AFG2A: variants seen among roughly 807,000 people sequenced by gnomAD.
AFG2A encodes the protein AAA ATPase AFG2A.
chr4:123,191,361 C>CTT, the AFG2A span, among the ~76,000 whole-genome samples: 78 of 142,858 alleles, frequency 5.5e-4, no homozygotes, highest in South Asian at 6.0e-3. Context: ...ACTCTGGACT[C>CTT]TTTTTTTTTT....
chr4:123,195,146 T>G, the AFG2A span, among the ~76,000 whole-genome samples: 1 of 152,138 alleles, frequency 6.6e-6, no homozygotes, highest in Non-Finnish European at 1.5e-5. Context: ...AGTTAGTCAA[T>G]TAAAAAACAA....
At chr4:122,975,270 C>T in the AFG2A span, among the ~76,000 whole-genome samples, 1 of 150,112 alleles carries the variant, frequency 6.7e-6, no homozygotes, top group African/African-American at 2.5e-5. Context: ...CCTCACATAG[C>T]AGAAGGGTAA....
the AFG2A span, among the ~76,000 whole-genome samples, chr4:123,131,108 G>C: frequency 1.3e-5 from 2 of 151,964 alleles, no homozygotes; most frequent in African/African-American, 4.8e-5. Flanking sequence ...CCCTTTCAAT[G>C]GGTTGTTTTC....
At chr4:123,086,938 T>C in the AFG2A span, among the ~76,000 whole-genome samples, 1 of 152,190 alleles carries the variant, frequency 6.6e-6, no homozygotes, top group Non-Finnish European at 1.5e-5. Flanking sequence ...ATCACTCTGC[T>C]TACATTACTC....
chr4:122,950,858 G>T, the AFG2A span, among the ~76,000 whole-genome samples: 1 of 152,210 alleles, frequency 6.6e-6, no homozygotes, highest in African/African-American at 2.4e-5. Context: ...GGTATCAGGT[G>T]GCAAGGGCCT....
the AFG2A span, among the ~76,000 whole-genome samples, chr4:123,107,484 T>C: frequency 8.5e-5 from 13 of 152,206 alleles, no homozygotes; most frequent in African/African-American, 2.9e-4. Flanking sequence ...GCATGCTGAT[T>C]GGTCCATGGG....
chr4:123,307,093 C>G, the AFG2A span, among the ~76,000 whole-genome samples: 9 of 152,220 alleles, frequency 5.9e-5, no homozygotes, highest in African/African-American at 2.2e-4. Context: ...TACATCTACT[C>G]AGCAGAGTTC....
At chr4:123,263,942 A>T in the AFG2A span, among the ~76,000 whole-genome samples, 1 of 152,246 alleles carries the variant, frequency 6.6e-6, no homozygotes, top group Non-Finnish European at 1.5e-5. Flanking sequence ...ACAATTACAA[A>T]AATATGGAAC....
the AFG2A span, among the ~76,000 whole-genome samples, chr4:123,289,484 G>C: frequency 6.6e-6 from 1 of 152,178 alleles, no homozygotes; most frequent in Non-Finnish European, 1.5e-5. Flanking sequence ...TATACATGCA[G>C]ATGTCTCTTT....
the AFG2A span, among the ~76,000 whole-genome samples, chr4:123,065,687 C>G: frequency 6.6e-6 from 1 of 152,034 alleles, no homozygotes; most frequent in Non-Finnish European, 1.5e-5. Flanking sequence ...CATTTTGTCA[C>G]TCTAAGATGC....
the AFG2A span, among the ~76,000 whole-genome samples, chr4:122,965,095 G>T: frequency 1.3e-5 from 2 of 152,138 alleles, no homozygotes; most frequent in African/African-American, 4.8e-5. Context: ...TCAACTTTTA[G>T]AATTTAAATA....
chr4:123,118,010 T>C, the AFG2A span, among the ~76,000 whole-genome samples: 2 of 152,028 alleles, frequency 1.3e-5, no homozygotes, highest in Non-Finnish European at 2.9e-5. Context: ...GTTTCACTTA[T>C]AAATGGAAGC....
the AFG2A span, among the ~76,000 whole-genome samples, chr4:122,984,199 A>T: frequency 1.2e-4 from 18 of 150,372 alleles, no homozygotes; most frequent in Admixed American, 1.2e-3. Context: ...ATTCCTAAGT[A>T]TTTTTTTTTG....
chr4:123,003,600 G>A, the AFG2A span, among the ~76,000 whole-genome samples: 1 of 152,190 alleles, frequency 6.6e-6, no homozygotes, highest in Non-Finnish European at 1.5e-5. Context: ...GGTATCAGCA[G>A]CGCTGTCTGC....
the AFG2A span, among the ~76,000 whole-genome samples, chr4:123,114,774 G>A: frequency 2.6e-4 from 39 of 152,380 alleles, no homozygotes; most frequent in Middle Eastern, 3.4e-3. Context: ...AGCATTGACT[G>A]TGCTGCCTTC....
chr4:123,186,233 A>T, the AFG2A span, among the ~76,000 whole-genome samples: 21 of 152,342 alleles, frequency 1.4e-4, no homozygotes, highest in African/African-American at 5.1e-4. Flanking sequence ...TTGGAAATAG[A>T]TCATTTATGT....
chr4:123,219,312 C>T, the AFG2A span, among the ~76,000 whole-genome samples: 1 of 152,216 alleles, frequency 6.6e-6, no homozygotes, highest in East Asian at 1.9e-4. Context: ...GCTTATACCC[C>T]TTCTCCTGCC....
At chr4:122,994,944 A>C in the AFG2A span, among the ~76,000 whole-genome samples, 1 of 152,104 alleles carries the variant, frequency 6.6e-6, no homozygotes, top group Non-Finnish European at 1.5e-5. Context: ...ATTTACTACT[A>C]TATTTTCACC....
the AFG2A span, among the ~76,000 whole-genome samples, chr4:123,009,381 C>T: frequency 1.3e-5 from 2 of 152,218 alleles, no homozygotes; most frequent in Non-Finnish European, 2.9e-5. Context: ...CACCATAAAT[C>T]ACACTGTCAG....
Sources: gnomAD v4.1 joint callset for allele counts (sites outside exome capture counted in the v4.1 genomes callset) on GRCh38, gnomAD v4.1.1 for gene constraint, MANE v1.5 for transcripts, NCBI Gene and HGNC (gene_info 2026-07-23, HGNC 2026-07-21) for gene names.